Variants in ASAP2 observed in about 807,000 individuals in gnomAD.
ASAP2 encodes the protein ArfGAP with SH3 domain, ankyrin repeat and PH domain 2, also known as arf-GAP with SH3 domain, ANK repeat and PH domain-containing protein 2.
A neutral mutation model predicts 131.4 loss-of-function variants in ASAP2; 45 were observed. The ratio of observed to expected loss-of-function variants is 0.34; its 90% CI spans 0.27 to 0.44. The LOEUF (loss-of-function observed/expected upper bound fraction) is 0.44. ASAP2 is among the 20% of genes least tolerant of loss of function. The pLI is 1.00. For missense variants in ASAP2, 1,011 were observed against 1,297.0 expected, an observed-to-expected ratio of 0.78 and a Z score of 3.39; for synonymous variants, 510 against 503.0, an observed-to-expected ratio of 1.01 and a Z score of -0.19.
rs368810649 is a variant in ASAP2, at chr2:9,288,110, C to A, written c.199+8721C>A. ...AAATAAGAAGGCTGTTTTGGATGATCCCTCCAGGAAAAGGTACCTTTACAT... is the reference window on the plus strand; with the variant it reads ...AAATAAGAAGGCTGTTTTGGATGATACCTCCAGGAAAAGGTACCTTTACAT... On this transcript the variant is annotated intron_variant, in intron 2 of 27. Coordinates refer to ENST00000281419, the MANE Select transcript of ASAP2 (RefSeq NM_003887.3). Among the ~76,000 whole-genome samples, 163 of 152,140 alleles carry A rather than the reference C, an allele frequency of 1.1e-3. 4 individuals are homozygous for A. In the South Asian group the frequency reaches 0.032, roughly 30 times the overall value.
chr2:9,378,772 T>C (rs1323690086), intron 18 of ASAP2, among the ~76,000 whole-genome samples, 172 bp from the exon 19 acceptor site: 1 of 152,228 alleles, frequency 6.6e-6, no homozygotes, highest in East Asian at 1.9e-4. Flanking sequence ...TCCCCAGCCA[T>C]GTAGGCAGGG....
Position 9,331,715 on chromosome 2 carries a change from C to T in ASAP2, c.687-3023C>T, listed in dbSNP as rs372051839. On this transcript the variant is annotated intron_variant, in intron 7 of 27. Coordinates refer to ENST00000281419, the MANE Select transcript of ASAP2 (RefSeq NM_003887.3). ...CCCAAGAGGCGGAGGTTGCAGTGAGCTGAGATCATGCTGCTGCACCCCAGC... is the reference window on the plus strand; with the variant it reads ...CCCAAGAGGCGGAGGTTGCAGTGAGTTGAGATCATGCTGCTGCACCCCAGC... 3.3e-5 allele frequency among the ~76,000 whole-genome samples: 5 copies of T among 152,054 alleles called. No homozygotes were observed. The East Asian group carries it at 9.6e-4, about 29-fold the overall frequency.
intron 24 of ASAP2, among the ~76,000 whole-genome samples, chr2:9,396,997 G>C (rs879796875): frequency 1.3e-5 from 2 of 152,116 alleles, no homozygotes; most frequent in South Asian, 4.1e-4. Context: ...GCCAGACTCC[G>C]TCTCAAAAAA....
intron 21 of ASAP2, among the ~76,000 whole-genome samples, chr2:9,385,668 T>C (rs1250678072): frequency 6.6e-6 from 1 of 152,232 alleles, no homozygotes; most frequent in East Asian, 1.9e-4. Flanking sequence ...TCTCTTGCTA[T>C]GGAGTCATGT....
At chr2:9,326,470 G>T (rs1003164303) in intron 6 of ASAP2, among the ~76,000 whole-genome samples, 3 of 126,640 alleles carry the variant, frequency 2.4e-5, no homozygotes, top group Admixed American at 1.5e-4. Context: ...AGCGGAGAAG[G>T]CGTGAGAAGA....
chr2:9,231,846 G>A (rs1663187995), intron 1 of ASAP2, among the ~76,000 whole-genome samples: 1 of 152,216 alleles, frequency 6.6e-6, no homozygotes, highest in Non-Finnish European at 1.5e-5. Context: ...TGCAGCAGGT[G>A]AGGACTGAGA....
intron 1 of ASAP2, among the ~76,000 whole-genome samples, chr2:9,254,264 T>A (rs1664973427): frequency 1.6e-5 from 2 of 123,428 alleles, no homozygotes; most frequent in Admixed American, 8.6e-5. Flanking sequence ...TACACGTGTG[T>A]GTGTATGCAT....
At chr2:9,278,268 G>A (rs192340825) in intron 1 of ASAP2, among the ~76,000 whole-genome samples, 1 of 152,172 alleles carries the variant, frequency 6.6e-6, no homozygotes, top group Admixed American at 6.5e-5. Flanking sequence ...TACCCAGCAT[G>A]TTGGGAGGTT....
At chr2:9,327,238 C>T (rs754760684) in intron 6 of ASAP2, among the ~76,000 whole-genome samples, 36 of 152,088 alleles carry the variant, frequency 2.4e-4, no homozygotes, top group Middle Eastern at 3.4e-3. Context: ...GGGATGGGGA[C>T]TCATGAAGTC....
chr2:9,338,426 C>T (rs969275787), intron 9 of ASAP2, among the ~76,000 whole-genome samples: 5 of 152,068 alleles, frequency 3.3e-5, no homozygotes, highest in Non-Finnish European at 7.4e-5. Context: ...CAGTTTGTGC[C>T]ACCCAGGCAG....
rs550826790 is a variant in ASAP2 at position 9,403,358 on chromosome 2, T to C, written c.*31T>C. 1.6e-4 allele frequency: 252 copies of C among 1,605,288 alleles called. 2 individuals carry two copies. In the Middle Eastern group the frequency reaches 2.6e-3, roughly 17 times the overall value. The stretch of plus-strand genomic sequence containing the variant: ...TACTGAACAAAAGCATTAACAGTTA[T>C]GTTCCTGTTTCGTTATTGGTACCAA... On this transcript the variant is annotated 3_prime_UTR_variant, in exon 28 of 28. Coordinates refer to ENST00000281419, the MANE Select transcript of ASAP2 (RefSeq NM_003887.3).
intron 17 of ASAP2, 30 bp downstream of exon 17, chr2:9,374,974 A>G: frequency 6.5e-7 from 1 of 1,537,626 alleles, no homozygotes; most frequent in Non-Finnish European, 8.7e-7. Context: ...CTACTTTAAA[A>G]AAAAAAAAAA....
rs1464718749 is a variant in ASAP2, at chr2:9,388,343, G to A, written c.2180G>A (p.Gly727Asp). 9 of 1,614,130 alleles carry A rather than the reference G, an allele frequency of 5.6e-6. No individual in the cohort carries two copies. Among genetic ancestry groups the A allele is most frequent in the East Asian group, 2.2e-5 (1 of 44,874 alleles). Residue 727 changes from glycine (G) to aspartate (D), a missense_variant, in exon 22 of 28, where the codon GGC (glycine) becomes GAC (aspartate). Transcript: ENST00000281419. Reference sequence around the variant, plus strand: ...CGGCCCATCAGCTTCTACCAGCTGGGCTCCAACCAGCTTCAGTCTAACGCT... The same window carrying A: ...CGGCCCATCAGCTTCTACCAGCTGGACTCCAACCAGCTTCAGTCTAACGCT... The part of the protein sequence containing the change: ...EDRPISFYQL[G>D]SNQLQSNAVS...
chr2:9,220,427 G>A (rs1266630554), intron 1 of ASAP2, among the ~76,000 whole-genome samples: 1 of 152,192 alleles, frequency 6.6e-6, no homozygotes, highest in Non-Finnish European at 1.5e-5. Flanking sequence ...CTTAGTGGGT[G>A]TGAAGTGGTG....
intron 18 of ASAP2, among the ~76,000 whole-genome samples, chr2:9,377,792 G>A (rs948194768): frequency 2.6e-5 from 4 of 152,176 alleles, no homozygotes; most frequent in Non-Finnish European, 5.9e-5. Context: ...GAGGAGTGAA[G>A]AAATGGCCAG....
Position 9,335,000 on chromosome 2 carries a change from A to G in ASAP2, c.763-93A>G, listed in dbSNP as rs1437214700. On this transcript the variant is annotated intron_variant, in intron 8 of 27. Transcript: ENST00000281419. Reference sequence around the variant, plus strand: ...GACCAGCGAGGGAGGCAGTTGTCGCATTGTGTGGAAATGGCCCCATGAGCA... The same window carrying G: ...GACCAGCGAGGGAGGCAGTTGTCGCGTTGTGTGGAAATGGCCCCATGAGCA... The G allele has an allele frequency of 4.3e-6, 6 of 1,408,758 alleles. 1 individual carries two copies. The highest frequency in any genetic ancestry group is 1.7e-5 in the Admixed American group (1 of 58,310). The allele number at this position is 1,408,758 out of a possible 1,614,324, so 87.3% of individuals were successfully genotyped here. A position where few individuals can be genotyped will look rare whatever the true frequency, so the allele number is the denominator to read the frequency against.
At chr2:9,257,134 G>A (rs1030838582) in intron 1 of ASAP2, among the ~76,000 whole-genome samples, 4 of 152,208 alleles carry the variant, frequency 2.6e-5, no homozygotes, top group African/African-American at 4.8e-5. Context: ...TTCCATGTTC[G>A]TGGAGTGTTT....
chr2:9,398,049 C>T (rs1229799525), intron 24 of ASAP2, among the ~76,000 whole-genome samples: 4 of 151,610 alleles, frequency 2.6e-5, no homozygotes, highest in East Asian at 2.0e-4. Flanking sequence ...TGAGCCACTG[C>T]GCCCGGCCTC....
intron 1 of ASAP2, among the ~76,000 whole-genome samples, chr2:9,262,583 A>G (rs905037780): frequency 3.9e-5 from 6 of 152,262 alleles, no homozygotes; most frequent in Non-Finnish European, 8.8e-5. Context: ...TCCAGAATCC[A>G]GAACCAGTGA....
Sources: gnomAD v4.1 joint callset for allele counts (sites outside exome capture counted in the v4.1 genomes callset) on GRCh38, gnomAD v4.1.1 for gene constraint, MANE v1.5 for transcripts, NCBI Gene and HGNC (gene_info 2026-07-23, HGNC 2026-07-21) for gene names.